RYR3: variants seen among roughly 807,000 people sequenced by gnomAD.
RYR3 encodes ryanodine receptor 3, also known as brain ryanodine receptor-calcium release channel.
In RYR3, 207 loss-of-function variants were observed where a neutral mutation model predicts 584.3. The observed-to-expected ratio is 0.35, with a 90% CI of 0.32 to 0.40. The LOEUF (loss-of-function observed/expected upper bound fraction) is 0.40. Ranked by LOEUF, RYR3 falls within the 10% of genes least tolerant of loss-of-function variation. The pLI, the probability that RYR3 is intolerant of heterozygous loss-of-function variation, is 1.00. For missense variants in RYR3, 5,616 were observed against 6,089.2 expected (o/e 0.92, Z 2.59); for synonymous variants, 2,416 against 2,248.5 (o/e 1.07, Z -2.11).
intron 74 of RYR3, among the ~76,000 whole-genome samples, chr15:33,815,069 C>CAAAAA (rs35216286): frequency 8.4e-6 from 1 of 118,724 alleles, no homozygotes; most frequent in African/African-American, 3.0e-5. Context: ...GACTCTGTCT[C>CAAAAA]AAAAAAAAAA....
At chr15:33,539,713 C>A (rs925968843) in intron 6 of RYR3, among the ~76,000 whole-genome samples, 1 of 152,092 alleles carries the variant, frequency 6.6e-6, no homozygotes, top group African/African-American at 2.4e-5. Context: ...GGAAACCTTA[C>A]TGATAATGTG....
intron 18 of RYR3, among the ~76,000 whole-genome samples, chr15:33,608,912 T>A (rs576898333): frequency 7.3e-4 from 111 of 152,336 alleles, no homozygotes; most frequent in African/African-American, 2.5e-3. Context: ...CCCAGCCATA[T>A]TTCCTCTGGA....
At chr15:33,370,047 T>G (rs1023136635) in intron 1 of RYR3, among the ~76,000 whole-genome samples, 1 of 152,222 alleles carries the variant, frequency 6.6e-6, no homozygotes, top group African/African-American at 2.4e-5. Context: ...ATACTATCGC[T>G]TATTTAAATG....
At position 33,603,151 on chromosome 15, in the gene RYR3, G is replaced by C; in HGVS notation, c.1951G>C (p.Ala651Pro). 2 of 1,613,794 alleles carry C rather than the reference G, an allele frequency of 1.2e-6. No homozygotes were observed. The highest frequency in any genetic ancestry group is 1.1e-5 in the South Asian group (1 of 91,068). ...CCGGCCAAACATCTTCCTGGGAGTC[G>C]CGGAGGGCTCAGCCCAGTACAAGAA... Reference protein sequence around the residue: ...SIRPNIFLGVAEGSAQYKKWY... With the variant: ...SIRPNIFLGVPEGSAQYKKWY... The change falls in exon 18 of 104, where the codon GCG (alanine) becomes CCG (proline). Residue 651 changes from alanine to proline, a missense_variant. By Grantham distance (27) the Ala-to-Pro change is conservative (BLOSUM62 -1). Transcript: ENST00000634891.
chr15:33,575,836 A>T (rs200209542), intron 12 of RYR3, among the ~76,000 whole-genome samples: 1 of 111,016 alleles, frequency 9.0e-6, no homozygotes, highest in African/African-American at 2.9e-5. Context: ...GCTGGTTTTA[A>T]AAAAAAAAAA....
intron 94 of RYR3, chr15:33,852,764 T>A (rs1303429660): frequency 2.9e-6 from 1 of 343,222 alleles, no homozygotes; most frequent in Admixed American, 4.5e-5. Flanking sequence ...TGTCTCTGTC[T>A]AATCTGTCAT....
intron 20 of RYR3, among the ~76,000 whole-genome samples, chr15:33,626,878 A>G (rs1333918306): frequency 1.3e-5 from 2 of 152,124 alleles, no homozygotes; most frequent in African/African-American, 4.8e-5. Context: ...GGATGTATGG[A>G]AACACCTGGA....
At chr15:33,726,261 A>G in intron 45 of RYR3, 125 bp from the exon 46 acceptor site, 2 of 1,005,440 alleles carry the variant, frequency 2.0e-6, no homozygotes, top group Non-Finnish European at 2.9e-6. Context: ...TGTCTGTAGC[A>G]ATTAGGGAAA....
intron 1 of RYR3, among the ~76,000 whole-genome samples, chr15:33,424,401 T>G (rs1466847228): frequency 6.6e-6 from 1 of 152,192 alleles, no homozygotes; most frequent in Non-Finnish European, 1.5e-5. Flanking sequence ...AAAACCTGAT[T>G]ATGGAACTTC....
At chr15:33,346,151 T>C (rs1972436212) in intron 1 of RYR3, among the ~76,000 whole-genome samples, 1 of 152,196 alleles carries the variant, frequency 6.6e-6, no homozygotes, top group Non-Finnish European at 1.5e-5. Context: ...GGTTGCAAAA[T>C]AGAGGTGACA....
intron 50 of RYR3, among the ~76,000 whole-genome samples, chr15:33,739,468 G>C (rs1382217270): frequency 6.6e-6 from 1 of 151,816 alleles, no homozygotes; most frequent in Non-Finnish European, 1.5e-5. Context: ...CCAGTTATAA[G>C]TTGGGTCCGT....
chr15:33,523,731 A>G (rs745651552), intron 3 of RYR3, among the ~76,000 whole-genome samples: 3 of 152,110 alleles, frequency 2.0e-5, no homozygotes, highest in Non-Finnish European at 2.9e-5. Flanking sequence ...CAAGAACGGG[A>G]TTTAAAGTGA....
At chr15:33,554,961 A>G (rs1595569752) in intron 10 of RYR3, among the ~76,000 whole-genome samples, 1 of 152,204 alleles carries the variant, frequency 6.6e-6, no homozygotes, top group Non-Finnish European at 1.5e-5. Flanking sequence ...TGCTTTAAAT[A>G]GCCACTTTAA....
chr15:33,686,810 A>G (rs184304451), intron 38 of RYR3, among the ~76,000 whole-genome samples: 1 of 152,346 alleles, frequency 6.6e-6, no homozygotes, highest in East Asian at 1.9e-4. Context: ...AACAGAACCA[A>G]AGACAAAAAC....
At chr15:33,729,774 TA>T (rs1295866009) in intron 47 of RYR3, among the ~76,000 whole-genome samples, 2 of 152,140 alleles carry the variant, frequency 1.3e-5, no homozygotes, top group Non-Finnish European at 2.9e-5. Flanking sequence ...TGCGTAAGTC[TA>T]AAAAACATCT....
chr15:33,615,884 T>A (rs1413869390), intron 19 of RYR3, among the ~76,000 whole-genome samples: 1 of 152,164 alleles, frequency 6.6e-6, no homozygotes, highest in African/African-American at 2.4e-5. Flanking sequence ...CTAGCCCTAT[T>A]TTCCATCTTC....
rs936101378 is a variant in RYR3, at chr15:33,397,547, A to G, written c.52-75872A>G. ...GTTACTGAAAGCAGTCTCTTGTCCAATCAGAGCCGTAGTCATGGCTGGTGG... is the reference window on the plus strand; with the variant it reads ...GTTACTGAAAGCAGTCTCTTGTCCAGTCAGAGCCGTAGTCATGGCTGGTGG... On this transcript the variant is annotated intron_variant, in intron 1 of 103. Coordinates refer to ENST00000634891, the MANE Select transcript of RYR3 (RefSeq NM_001036.6). Among the ~76,000 whole-genome samples the G allele has an allele frequency of 1.8e-4, 28 of 152,174 alleles. 1 individual carries two copies. The highest frequency in any genetic ancestry group is 3.1e-4 in the Non-Finnish European group (21 of 68,030).
Position 33,516,463 on chromosome 15 carries a change from C to T in RYR3, c.279+12725C>T, listed in dbSNP as rs576816384. ...TATTCAGGTGATTCTCCTGCCTCAG[C>T]CCCCCGAGTAGCTGGGATTACAGAT... is the stretch of plus-strand genomic sequence containing the variant. On this transcript the variant is annotated intron_variant, in intron 3 of 103. Transcript: ENST00000634891. Among the ~76,000 whole-genome samples, 4 of 152,134 alleles carry T rather than the reference C, an allele frequency of 2.6e-5. No individual in the cohort carries two copies. The East Asian group carries it at 7.7e-4, about 29-fold the overall frequency.
intron 1 of RYR3, among the ~76,000 whole-genome samples, chr15:33,366,313 C>T (rs1239596332): frequency 2.0e-5 from 3 of 152,034 alleles, no homozygotes; most frequent in Non-Finnish European, 2.9e-5. Flanking sequence ...GTCTGTTCAA[C>T]GGTTTCATCA....
Sources: allele counts gnomAD v4.1 joint callset (sites outside exome capture counted in the v4.1 genomes callset), GRCh38; gene constraint gnomAD v4.1.1; transcripts MANE v1.5; gene names NCBI Gene and HGNC (gene_info 2026-07-23, HGNC 2026-07-21).